TDRD1: variants seen among roughly 807,000 people sequenced by gnomAD.
TDRD1 encodes tudor domain containing 1.
A neutral mutation model predicts 140.6 loss-of-function variants in TDRD1; 37 were observed. The ratio of observed to expected loss-of-function variants is 0.26; its 90% confidence interval spans 0.20 to 0.35. TDRD1 has a LOEUF of 0.35. Among genes scored for constraint, TDRD1 ranks in the 10% least tolerant of loss-of-function variants. The pLI is 1.00. For synonymous variants in TDRD1, 506 were observed against 475.7 expected, an observed-to-expected ratio of 1.06 and a Z score of -0.83; for missense variants, 1,243 against 1,393.0, an observed-to-expected ratio of 0.89 and a Z score of 1.71.
rs766638695 is a variant in TDRD1 at position 114,231,503 on chromosome 10, G to GGT, written c.3557_3558dup (p.Lys1187ValfsTer12). The stretch of plus-strand genomic sequence containing the variant: ...TTTTTCAGAAACAGCATCTCTTGGA[G>GGT]GTAAACCCTTATGAGACAGGAAACA... On this transcript the variant is annotated frameshift_variant, in exon 26 of 26. Transcript: ENST00000251864. LOFTEE classifies it high-confidence loss of function. 2.6e-5 allele frequency: 42 copies of GGT among 1,601,022 alleles called. No individual in the cohort carries two copies. In the Admixed American group the frequency reaches 7.2e-4, roughly 27 times the overall value.
At chr10:114,216,405 G>C (rs971701486) in intron 16 of TDRD1, among the ~76,000 whole-genome samples, 3 of 151,386 alleles carry the variant, frequency 2.0e-5, no homozygotes, top group Admixed American at 1.3e-4. Flanking sequence ...TTTCTTTTTT[G>C]TTTGAGCCAT....
chr10:114,185,325 G>T (rs1049340637), intron 1 of TDRD1, among the ~76,000 whole-genome samples: 3 of 152,076 alleles, frequency 2.0e-5, no homozygotes, highest in African/African-American at 7.2e-5. Context: ...GAGTAGCTGG[G>T]ACTACAGGTG....
intron 1 of TDRD1, among the ~76,000 whole-genome samples, chr10:114,185,517 C>T (rs2033445630): frequency 6.6e-6 from 1 of 151,674 alleles, no homozygotes; most frequent in Non-Finnish European, 1.5e-5. Context: ...TGTAAAATAT[C>T]TTCACGTGTC....
rs2133153761 is a variant in TDRD1, at chr10:114,220,817, T to G, written c.2744T>G (p.Leu915Arg). 3.1e-6 allele frequency: 5 copies of G among 1,611,920 alleles called. No homozygotes were observed. In the East Asian group the frequency reaches 1.1e-4, roughly 36 times the overall value. The change falls in exon 19 of 26, where the codon CTT (leucine) becomes CGT (arginine). Residue 915 changes from leucine to arginine, a missense_variant. Leu to Arg is a moderately radical substitution (Grantham distance 102). Coordinates refer to ENST00000251864, the Ensembl canonical transcript of TDRD1. ...GACAGACTTGTTAATAAACATGAGCTTCAAGTTCATGTACAGGGACTTCAA... is the reference window on the plus strand; with the variant it reads ...GACAGACTTGTTAATAAACATGAGCGTCAAGTTCATGTACAGGGACTTCAA...
At chr10:114,229,591 C>G (rs2036636000) in intron 25 of TDRD1, among the ~76,000 whole-genome samples, 1 of 147,800 alleles carries the variant, frequency 6.8e-6, no homozygotes, top group Admixed American at 6.7e-5. Context: ...CTCTGTCACC[C>G]AGGCTGGAGT....
chr10:114,219,540 G>A (rs999791134), intron 18 of TDRD1, among the ~76,000 whole-genome samples: 2 of 149,174 alleles, frequency 1.3e-5, no homozygotes, highest in Non-Finnish European at 3.0e-5. Flanking sequence ...CTGCTAATCT[G>A]TTTCTGTTTA....
exon 12 of TDRD1, chr10:114,210,662 C>T: frequency 1.9e-6 from 3 of 1,612,972 alleles, no homozygotes; most frequent in Non-Finnish European, 2.5e-6. Context: ...AAAGTGTTAA[C>T]TTTGAATGTA....
intron 2 of TDRD1, among the ~76,000 whole-genome samples, chr10:114,188,538 T>A (rs1262302733): frequency 6.6e-6 from 1 of 152,208 alleles, no homozygotes; most frequent in Non-Finnish European, 1.5e-5. Context: ...CGTGATTTAT[T>A]TTATCATTCC....
chr10:114,188,258 G>A lies in TDRD1; in HGVS notation c.325+102G>A, dbSNP rs541545961. Reference sequence around the variant, plus strand: ...CACCAGTGGGCTATTAGCAGAACAGGCACATGACTACCTTACCGTATTTGC... The same window carrying A: ...CACCAGTGGGCTATTAGCAGAACAGACACATGACTACCTTACCGTATTTGC... On this transcript the variant is annotated intron_variant, in intron 2 of 25. Transcript: ENST00000251864. The A allele has an allele frequency of 1.0e-3, 968 of 967,144 alleles. 18 individuals carry two copies. The South Asian group carries it at 0.016, about 16-fold the overall frequency. The allele number at this position is 967,144 out of a possible 1,614,324, so 59.9% of individuals were successfully genotyped here.
At chr10:114,204,016 A>C (rs1049195855) in intron 8 of TDRD1, 57 bp from the exon 9 acceptor site, 20 of 1,562,894 alleles carry the variant, frequency 1.3e-5, no homozygotes, top group Non-Finnish European at 1.6e-5. Flanking sequence ...AGGGTTTTTT[A>C]ATCTAAGATT....
At position 114,187,742 on chromosome 10, in the gene TDRD1, T is replaced by C. The variant is rs566483206; in HGVS notation, c.-6-84T>C. On this transcript the variant is annotated intron_variant, in intron 1 of 25. Transcript: ENST00000251864. ...ATAGGCATTATCTGTTACGTAAATATATTTGGGAGAATTCCTCTGAGCCTG... is the reference window on the plus strand; with the variant it reads ...ATAGGCATTATCTGTTACGTAAATACATTTGGGAGAATTCCTCTGAGCCTG... 94 of 1,193,656 alleles carry C rather than the reference T, an allele frequency of 7.9e-5. No individual in the cohort carries two copies. In the Admixed American group the frequency reaches 1.2e-3, roughly 15 times the overall value. The allele number at this position is 1,193,656 out of a possible 1,614,324, so 73.9% of individuals were successfully genotyped here. A position where few individuals can be genotyped will look rare whatever the true frequency, so the allele number is the denominator to read the frequency against.
At chr10:114,217,562 G>A (rs780687623) in exon 17 of TDRD1, 6 of 1,585,706 alleles carry the variant, frequency 3.8e-6, no homozygotes, top group Admixed American at 1.8e-5. Context: ...GAAACTCAAT[G>A]ATTTGAACAA....
chr10:114,182,106 C>T (rs924833395), intron 1 of TDRD1, among the ~76,000 whole-genome samples: 4 of 152,198 alleles, frequency 2.6e-5, no homozygotes, highest in Non-Finnish European at 5.9e-5. Flanking sequence ...TCAGGGACAT[C>T]CTGACTTTCC....
chr10:114,180,281 C>G (rs568592803), intron 1 of TDRD1, among the ~76,000 whole-genome samples: 2 of 152,234 alleles, frequency 1.3e-5, no homozygotes, highest in South Asian at 4.1e-4. Context: ...TCATTTAATT[C>G]TCGTGATTAG....
At chr10:114,199,367 A>G (rs2034577276) in intron 4 of TDRD1, 50 bp downstream of exon 4, 7 of 1,556,228 alleles carry the variant, frequency 4.5e-6, no homozygotes, top group Non-Finnish European at 5.2e-6. Flanking sequence ...CATATTTGAA[A>G]AACATTTTTA....
chr10:114,200,993 A>G (rs1217015178), intron 4 of TDRD1, among the ~76,000 whole-genome samples: 1 of 150,790 alleles, frequency 6.6e-6, no homozygotes, highest in Non-Finnish European at 1.5e-5. Context: ...AGCTGGGATT[A>G]CAGGTGCCCG....
intron 3 of TDRD1, among the ~76,000 whole-genome samples, chr10:114,192,260 A>AT (rs1403660505): frequency 7.8e-5 from 3 of 38,360 alleles, no homozygotes; most frequent in South Asian, 6.0e-4. Context: ...GAAAATGTTC[A>AT]TTTTTTTCCC....
At chr10:114,221,591 G>A (rs1384878942) in intron 20 of TDRD1, 115 bp downstream of exon 20, 2 of 1,043,900 alleles carry the variant, frequency 1.9e-6, no homozygotes, top group Non-Finnish European at 2.8e-6. Context: ...CTGTTTTAAG[G>A]AAGAACTGAT....
At chr10:114,221,330 T>C in intron 19 of TDRD1, 27 bp from the exon 20 acceptor site, 1 of 1,607,464 alleles carries the variant, frequency 6.2e-7, no homozygotes, top group Non-Finnish European at 8.5e-7. Flanking sequence ...TTATTCCGTG[T>C]GAGACCTGTG....
Sources: gnomAD v4.1 joint callset for allele counts (sites outside exome capture counted in the v4.1 genomes callset) on GRCh38, gnomAD v4.1.1 for gene constraint, MANE v1.5 for transcripts, NCBI Gene and HGNC (gene_info 2026-07-23, HGNC 2026-07-21) for gene names.